TOMM6: variants seen among roughly 807,000 people sequenced by gnomAD.
TOMM6 encodes mitochondrial import receptor subunit TOM6 homolog.
A neutral mutation model predicts 6.0 loss-of-function variants in TOMM6; 6 were observed. The observed-to-expected ratio is 1.00, with a 90% CI of 0.55 to 1.98. The LOEUF (loss-of-function observed/expected upper bound fraction) is 1.98. Among genes scored for constraint, TOMM6 ranks in the 30% most tolerant of loss-of-function variants. The probability of loss-of-function intolerance (pLI) is 0.00; values close to 1 mark genes in which losing one functional copy is unlikely to be tolerated. For missense variants in TOMM6, 104 were observed against 95.3 expected, an observed-to-expected ratio of 1.09 and a Z score of -0.38; for synonymous variants, 44 against 36.3, an observed-to-expected ratio of 1.21 and a Z score of -0.76.
intron 1 of TOMM6, among the ~76,000 whole-genome samples, chr6:41,788,430 C>T (rs1210721312): frequency 1.3e-4 from 17 of 131,918 alleles, no homozygotes; most frequent in East Asian, 2.4e-4. Context: ...AGGCGTGAGC[C>T]ACCACGCCCG....
Position 41,787,755 on chromosome 6 carries a change from AT to A in TOMM6, c.59del (p.Ile20AsnfsTer26). On this transcript the variant is annotated frameshift_variant, in exon 1 of 3. Coordinates refer to ENST00000398881, the MANE Select transcript of TOMM6 (RefSeq NM_001382294.1). LOFTEE classifies it high-confidence loss of function. ...TGGCTCGGCTAATGAAACTCCCGAA[AT>A]ACCGGACAACGTGGGAGATTGGCTT... ...AAGSANETPE[I>X]PDNVGDWLRG... 1 of 1,551,628 alleles carries A rather than the reference AT, an allele frequency of 6.4e-7. No individual in the cohort carries two copies. Among genetic ancestry groups the A allele is most frequent in the Non-Finnish European group, 8.7e-7 (1 of 1,146,964 alleles).
At chr6:41,789,157 T>C in intron 1 of TOMM6, 75 bp from the exon 2 acceptor site, 1 of 1,361,814 alleles carries the variant, frequency 7.3e-7, no homozygotes, top group Non-Finnish European at 1.0e-6. Context: ...TGGAAGCCTT[T>C]CCCCCCAGTA....
At chr6:41,787,903 A>G (rs1772706462) in intron 1 of TOMM6, 78 bp downstream of exon 1, 5 of 1,520,162 alleles carry the variant, frequency 3.3e-6, no homozygotes, top group Middle Eastern at 3.4e-4. Context: ...CTGGCGCCTC[A>G]GGGTTTTTTG....
intron 1 of TOMM6, among the ~76,000 whole-genome samples, chr6:41,788,289 C>T (rs1347058221): frequency 1.3e-5 from 2 of 150,430 alleles, no homozygotes; most frequent in African/African-American, 4.9e-5. Flanking sequence ...GGACTACGGC[C>T]GCCCGCCACC....
intron 1 of TOMM6, among the ~76,000 whole-genome samples, chr6:41,788,706 C>T (rs1772734888): frequency 6.6e-6 from 1 of 150,586 alleles, no homozygotes; most frequent in South Asian, 2.1e-4. Flanking sequence ...CCGACTCTGC[C>T]TCCCAAAGTG....
Position 41,789,225 on chromosome 6 carries a change from T to C in TOMM6, c.129-7T>C, listed in dbSNP as rs1561898392. 2.6e-6 allele frequency: 4 copies of C among 1,550,016 alleles called. No homozygotes were observed. The South Asian group carries it at 4.8e-5, about 18-fold the overall frequency. ...CACAGGGTTAATAAAACACATTGTT[T>C]TTCCAGGAACTTGATACTAAATTTG... On this transcript the variant is annotated splice_region_variant and splice_polypyrimidine_tract_variant and intron_variant, in intron 1 of 2. Transcript: ENST00000398881.
In TOMM6 at chr6:41,787,888, C is replaced by T. The variant is rs1772706043; in HGVS notation, c.128+63C>T. The T allele has an allele frequency of 3.3e-6, 5 of 1,529,892 alleles. No homozygotes were observed. In the South Asian group the frequency reaches 6.1e-5, roughly 19 times the overall value. 94.8% of individuals were successfully genotyped at this position (1,529,892 alleles called of 1,614,324 possible). A position where few individuals can be genotyped will look rare whatever the true frequency, so the allele number is the denominator to read the frequency against. On this transcript the variant is annotated intron_variant, in intron 1 of 2. Transcript: ENST00000398881. ...TTAAATCCGTATTTCCCCTTTCTTG[C>T]GAGGCTGGCGCCTCAGGGTTTTTTG...
At position 41,789,339 on chromosome 6, in the gene TOMM6, A is replaced by G. The variant is rs1414325465; in HGVS notation, c.*8+3A>G. The G allele has an allele frequency of 2.7e-5, 42 of 1,549,258 alleles. No homozygotes were observed. The highest frequency in any genetic ancestry group is 3.6e-5 in the Non-Finnish European group (41 of 1,144,840). On this transcript the variant is annotated splice_donor_region_variant and intron_variant, in intron 2 of 2. Coordinates refer to ENST00000398881, the MANE Select transcript of TOMM6 (RefSeq NM_001382294.1). ...CAGCCAGGGGTGTAGCCAAGTAGGTAAGCACTGAACTACACCCATGCGTGT... is the reference window on the plus strand; with the variant it reads ...CAGCCAGGGGTGTAGCCAAGTAGGTGAGCACTGAACTACACCCATGCGTGT...
rs201077308 is a variant in TOMM6 at position 41,787,906 on chromosome 6, GT to G, written c.128+87del. 5.1e-4 allele frequency: 764 copies of G among 1,511,664 alleles called. 10 individuals carry two copies. The East Asian group carries it at 0.016, about 31-fold the overall frequency. The allele number at this position is 1,511,664 out of a possible 1,614,324, so 93.6% of individuals were successfully genotyped here. On this transcript the variant is annotated intron_variant, in intron 1 of 2. Transcript: ENST00000398881. ...TTTCTTGCGAGGCTGGCGCCTCAGG[GT>G]TTTTTGTTTTTGTTTTTTAACATTA...
chr6:41,789,248 T>G lies in TOMM6; in HGVS notation c.145T>G (p.Leu49Val). The G allele has an allele frequency of 6.4e-7, 1 of 1,550,988 alleles. No homozygotes were observed. Among genetic ancestry groups the G allele is most frequent in the South Asian group, 1.2e-5 (1 of 84,022 alleles). The change falls in exon 2 of 3, where the codon TTG (leucine) becomes GTG (valine). Residue 49 changes from leucine to valine, a missense_variant. By Grantham distance (32) the Leu-to-Val change is conservative. Coordinates refer to ENST00000398881, the MANE Select transcript of TOMM6 (RefSeq NM_001382294.1). Reference protein sequence around the residue: ...NDFRRNLILNLGLFAAGVWLA... With the variant: ...NDFRRNLILNVGLFAAGVWLA... ...TTTTTCCAGGAACTTGATACTAAAT[T>G]TGGGACTCTTTGCTGCGGGAGTTTG...
intron 1 of TOMM6, among the ~76,000 whole-genome samples, chr6:41,789,008 T>C (rs2127310398): frequency 6.6e-6 from 1 of 152,270 alleles, no homozygotes; most frequent in South Asian, 2.1e-4. Context: ...CCTTCCAAAG[T>C]GCTGGGATTA....
chr6:41,788,951 G>A (rs1459192703), intron 1 of TOMM6, among the ~76,000 whole-genome samples: 1 of 151,504 alleles, frequency 6.6e-6, no homozygotes, highest in African/African-American at 2.4e-5. Context: ...TCACCATGTT[G>A]GCCAGGCTGG....
At chr6:41,787,973 T>C in intron 1 of TOMM6, 148 bp downstream of exon 1, 1 of 1,142,322 alleles carries the variant, frequency 8.8e-7, no homozygotes, top group South Asian at 1.6e-5. Flanking sequence ...TGTGCCTCAC[T>C]GAGATCCCTG....
rs1772702785 is a variant in TOMM6, at chr6:41,787,777, G to T, written c.80G>T (p.Trp27Leu). The T allele has an allele frequency of 3.9e-6, 6 of 1,551,680 alleles. No homozygotes were observed. Among genetic ancestry groups the T allele is most frequent in the South Asian group, 1.2e-5 (1 of 84,066 alleles). ...TPEIPDNVGD[W>L]LRGVYRFATD... ...GAAATACCGGACAACGTGGGAGATT[G>T]GCTTCGGGGCGTCTACCGCTTTGCC... is the stretch of plus-strand genomic sequence containing the variant. The change falls in exon 1 of 3, where the codon TGG (tryptophan) becomes TTG (leucine). Residue 27 changes from tryptophan to leucine, a missense_variant. By Grantham distance (61) the Trp-to-Leu change is moderately conservative. Coordinates refer to ENST00000398881, the MANE Select transcript of TOMM6 (RefSeq NM_001382294.1).
chr6:41,788,436 G>A (rs1402782361), intron 1 of TOMM6, among the ~76,000 whole-genome samples: 1 of 107,240 alleles, frequency 9.3e-6, no homozygotes. Context: ...GAGCCACCAC[G>A]CCCGGCCTTT....
chr6:41,787,877 C>T, intron 1 of TOMM6, 52 bp downstream of exon 1: 2 of 1,537,898 alleles, frequency 1.3e-6, no homozygotes, highest in South Asian at 2.4e-5. Flanking sequence ...ATCCGTATTT[C>T]CCCTTTCTTG....
chr6:41,787,919 G>GT, intron 1 of TOMM6, 94 bp downstream of exon 1: 1 of 1,488,498 alleles, frequency 6.7e-7, no homozygotes, highest in Non-Finnish European at 9.0e-7. Context: ...TTTTGTTTTT[G>GT]TTTTTTAACA....
At chr6:41,788,863 A>C (rs894397459) in intron 1 of TOMM6, among the ~76,000 whole-genome samples, 1 of 150,324 alleles carries the variant, frequency 6.7e-6, no homozygotes, top group Non-Finnish European at 1.5e-5. Flanking sequence ...TTCCTGCCTC[A>C]GCCTCCCCAG....
At chr6:41,788,361 GT>G (rs1271173551) in intron 1 of TOMM6, among the ~76,000 whole-genome samples, 1 of 147,832 alleles carries the variant, frequency 6.8e-6, no homozygotes. Context: ...ATCCAGGATG[GT>G]CTCGATCTCC....
Sources: gnomAD v4.1 joint callset for allele counts (sites outside exome capture counted in the v4.1 genomes callset) on GRCh38, gnomAD v4.1.1 for gene constraint, MANE v1.5 for transcripts, NCBI Gene and HGNC (gene_info 2026-07-23, HGNC 2026-07-21) for gene names.